The following ARHGAP27 variants were observed in gnomAD, a reference collection of about 807,000 sequenced individuals.
ARHGAP27 encodes rho GTPase-activating protein 27.
ARHGAP27 carries 53 observed loss-of-function variants against 102.0 expected under a neutral mutation model. The ratio of observed to expected loss-of-function variants is 0.52; its 90% CI spans 0.42 to 0.65. The LOEUF (loss-of-function observed/expected upper bound fraction) is 0.65. ARHGAP27 is among the 30% of genes least tolerant of loss of function. The pLI is 0.00. For synonymous variants in ARHGAP27, 525 were observed against 542.8 expected, an observed-to-expected ratio of 0.97 and a Z score of 0.46; for missense variants, 1,117 against 1,256.2, an observed-to-expected ratio of 0.89 and a Z score of 1.68.
In ARHGAP27 at chr17:45,430,171, G is replaced by A. The variant is rs1567743910; in HGVS notation, c.109C>T (p.Leu37=). 4 of 1,539,422 alleles carry A rather than the reference G, an allele frequency of 2.6e-6. No individual in the cohort carries two copies. Among genetic ancestry groups the A allele is most frequent in the Non-Finnish European group, 2.6e-6 (3 of 1,149,468 alleles). Residue 37 remains leucine, a synonymous_variant, in exon 4 of 20, where the codon CTG becomes TTG. Coordinates refer to ENST00000685559, the MANE Select transcript of ARHGAP27 (RefSeq NM_001282290.2). The surrounding 1 kb of genome is among the most constrained non-coding windows in gnomAD (Gnocchi z 4.4). ...VAIRPNERYR[L]LRRSTEHWWH... Reference sequence around the variant, plus strand: ...CAGTGCTCGGTGCTGCGCCGCAGCAGCCGGTAGCGCTCATTCGGCCGGATG... The same window carrying A: ...CAGTGCTCGGTGCTGCGCCGCAGCAACCGGTAGCGCTCATTCGGCCGGATG...
At chr17:45,416,699 C>T (rs2048494426) in intron 4 of ARHGAP27, among the ~76,000 whole-genome samples, 1 of 151,278 alleles carries the variant, frequency 6.6e-6, no homozygotes, top group Admixed American at 6.6e-5. Context: ...AGGCGCCCAC[C>T]ACCACACTCA....
At chr17:45,413,790 T>C (rs2048160781) in intron 4 of ARHGAP27, among the ~76,000 whole-genome samples, 1 of 152,046 alleles carries the variant, frequency 6.6e-6, no homozygotes, top group Non-Finnish European at 1.5e-5. Context: ...GCAGGGCTGC[T>C]GGGGCCAGGA....
intron 4 of ARHGAP27, among the ~76,000 whole-genome samples, chr17:45,423,919 TG>T (rs1466182752): frequency 1.3e-5 from 2 of 152,236 alleles, no homozygotes; most frequent in African/African-American, 4.8e-5. Context: ...TTCAAATATT[TG>T]TAATGGAGTT....
intron 4 of ARHGAP27, chr17:45,410,460 G>T: frequency 2.9e-4 from 271 of 937,388 alleles, no homozygotes; most frequent in East Asian, 4.7e-4. Context: ...TGCTGCCTGA[G>T]TTGGGGCGGG....
At chr17:45,410,402 T>C (rs2047777325) in intron 4 of ARHGAP27, 1 of 1,262,492 alleles carries the variant, frequency 7.9e-7, no homozygotes, top group South Asian at 1.7e-5. Context: ...GTTGCCGAGA[T>C]GGCGGGAGGC....
At chr17:45,402,172 C>T (rs1265693933) in intron 12 of ARHGAP27, among the ~76,000 whole-genome samples, 1 of 152,090 alleles carries the variant, frequency 6.6e-6, no homozygotes, top group Non-Finnish European at 1.5e-5. Context: ...GGCTCAGGGG[C>T]AGGGAAAGGG....
chr17:45,397,107 C>T, intron 13 of ARHGAP27, 83 bp from the exon 14 acceptor site: 2 of 1,564,092 alleles, frequency 1.3e-6, no homozygotes, highest in African/African-American at 1.4e-5. Flanking sequence ...CCGAAATGCA[C>T]TCCCAACAGG....
chr17:45,404,158 T>C (rs771208776), intron 9 of ARHGAP27, 62 bp from the exon 10 acceptor site: 9 of 1,607,830 alleles, frequency 5.6e-6, no homozygotes, highest in African/African-American at 1.3e-5. Context: ...CTATGGGGAG[T>C]AGAGGCTGGT....
intron 4 of ARHGAP27, among the ~76,000 whole-genome samples, chr17:45,421,090 A>G (rs748628083): frequency 7.0e-5 from 10 of 142,056 alleles, no homozygotes; most frequent in Non-Finnish European, 1.4e-4. Flanking sequence ...GAGCAAAAGT[A>G]CAACAAGAAT....
rs560814922 is a variant in ARHGAP27 at position 45,405,892 on chromosome 17, C to T, written c.849G>A (p.Glu283=). ...TTWESPFEAA[E]GAASPATSPA... ...GGGAGGTGGCTGGGCTGGCGGCACCCTCGGCAGCCTCAAAGGGCGACTCCC... is the reference window on the plus strand; with the variant it reads ...GGGAGGTGGCTGGGCTGGCGGCACCTTCGGCAGCCTCAAAGGGCGACTCCC... The change falls in exon 5 of 20, where the codon GAG becomes GAA. Residue 283 remains glutamate (E), a synonymous_variant. Transcript: ENST00000685559. 144 of 1,535,980 alleles carry T rather than the reference C, an allele frequency of 9.4e-5. 1 individual carries two copies. In the Admixed American group the frequency reaches 1.3e-3, roughly 14 times the overall value.
In ARHGAP27 at chr17:45,395,437, C is replaced by G. The variant is rs564449549; in HGVS notation, c.*19G>C. On this transcript the variant is annotated 3_prime_UTR_variant, in exon 20 of 20. Coordinates refer to ENST00000685559, the MANE Select transcript of ARHGAP27 (RefSeq NM_001282290.2). ...TGTGTGGCAGGACCGCGGCCGCCGCCCCAGTCACAGGCCAGCAGTCAGTGC... is the reference window on the plus strand; with the variant it reads ...TGTGTGGCAGGACCGCGGCCGCCGCGCCAGTCACAGGCCAGCAGTCAGTGC... 2 of 1,546,972 alleles carry G rather than the reference C, an allele frequency of 1.3e-6. No individual in the cohort carries two copies. Among genetic ancestry groups the G allele is most frequent in the African/African-American group, 1.4e-5 (1 of 73,232 alleles).
intron 4 of ARHGAP27, among the ~76,000 whole-genome samples, chr17:45,413,765 G>C (rs541002748): frequency 5.5e-4 from 83 of 152,278 alleles, no homozygotes; most frequent in African/African-American, 1.9e-3. Flanking sequence ...TCTAAGTAAG[G>C]CTGGCAGACA....
At chr17:45,420,117 A>G (rs1320007616) in intron 4 of ARHGAP27, among the ~76,000 whole-genome samples, 1 of 152,218 alleles carries the variant, frequency 6.6e-6, no homozygotes, top group African/African-American at 2.4e-5. Context: ...TTCTACCTGT[A>G]CATATATAAC....
At chr17:45,399,001 A>C (rs958078729) in intron 12 of ARHGAP27, among the ~76,000 whole-genome samples, 1 of 152,116 alleles carries the variant, frequency 6.6e-6, no homozygotes, top group Non-Finnish European at 1.5e-5. Context: ...TGAAGCATAA[A>C]TTAAACAGAA....
At position 45,404,475 on chromosome 17, in the gene ARHGAP27, G is replaced by C. The variant is rs1276292155; in HGVS notation, c.1383C>G (p.Thr461=). ...SIHKSSQDGD[T]PAQASPPEEK... ...CCTCTGGAGGGCTGGCCTGGGCTGG[G>C]GTGTCACCATCCTGGCTGGATTTAT... Residue 461 remains threonine (T), a synonymous_variant, in exon 8 of 20, where the codon ACC becomes ACG. Coordinates refer to ENST00000685559, the MANE Select transcript of ARHGAP27 (RefSeq NM_001282290.2). The C allele has an allele frequency of 6.2e-7, 1 of 1,613,820 alleles. No individual in the cohort carries two copies. The highest frequency in any genetic ancestry group is 1.3e-5 in the African/African-American group (1 of 74,988).
At chr17:45,429,423 T>C in intron 4 of ARHGAP27, 200 bp downstream of exon 4, 1 of 1,398,394 alleles carries the variant, frequency 7.2e-7, no homozygotes, top group Non-Finnish European at 9.2e-7. Context: ...CTTTGGAGCT[T>C]GGGAATTGCT....
chr17:45,396,653 G>T lies in ARHGAP27; in HGVS notation c.2074+15C>A. On this transcript the variant is annotated intron_variant, in intron 15 of 19. Transcript: ENST00000685559. ...TCCCGGTCCCGGGTCCCCGCCCCCCGCAGGCCTCGGGTACCTTTGATGTAG... is the reference window on the plus strand; with the variant it reads ...TCCCGGTCCCGGGTCCCCGCCCCCCTCAGGCCTCGGGTACCTTTGATGTAG... 7 of 1,613,048 alleles carry T rather than the reference G, an allele frequency of 4.3e-6. No individual in the cohort carries two copies. Among genetic ancestry groups the T allele is most frequent in the Non-Finnish European group, 5.9e-6 (7 of 1,179,340 alleles).
At chr17:45,425,640 T>G in intron 4 of ARHGAP27, 1 of 985,402 alleles carries the variant, frequency 1.0e-6, no homozygotes, top group Non-Finnish European at 1.2e-6. Flanking sequence ...GTGCGGCGCC[T>G]CCGGGGCTGC....
intron 4 of ARHGAP27, among the ~76,000 whole-genome samples, chr17:45,418,691 G>A (rs1375646671): frequency 1.3e-5 from 2 of 152,150 alleles, no homozygotes; most frequent in Non-Finnish European, 2.9e-5. Flanking sequence ...GGCTGGGACA[G>A]TGGGTGGGTG....
Sources: allele counts gnomAD v4.1 joint callset (sites outside exome capture counted in the v4.1 genomes callset), GRCh38; gene constraint gnomAD v4.1.1; non-coding constraint Gnocchi (gnomAD v3.1); transcripts MANE v1.5; gene names NCBI Gene and HGNC (gene_info 2026-07-23, HGNC 2026-07-21).